RTL4: variants seen among roughly 807,000 people sequenced by gnomAD.
RTL4 encodes the protein retrotransposon Gag like 4.
RTL4 carries 4 observed loss-of-function variants against 5.3 expected under a neutral mutation model. The ratio of observed to expected loss-of-function variants is 0.75; its 90% CI spans 0.37 to 1.72. The LOEUF (loss-of-function observed/expected upper bound fraction) is 1.72, where lower values mean the gene tolerates loss of function less well. RTL4 is among the 40% of genes most tolerant of loss of function. The pLI is 0.04. For missense variants in RTL4, 260 were observed against 227.1 expected (o/e 1.14, Z -0.93); for synonymous variants, 98 against 87.3 (o/e 1.12, Z -0.68).
At chrX:112,107,316 T>C in the RTL4 span, among the ~76,000 whole-genome samples, 1 of 112,135 alleles carries the variant, frequency 8.9e-6, no homozygotes, top group East Asian at 2.8e-4. Context: ...GGTTTTGTCT[T>C]TTAACCTTTG....
the RTL4 span, among the ~76,000 whole-genome samples, chrX:112,223,965 C>T: frequency 8.9e-6 from 1 of 111,894 alleles, no homozygotes; most frequent in Non-Finnish European, 1.9e-5. Flanking sequence ...TTGGTCTCTC[C>T]TGGTCAACTG....
At chrX:112,356,503 T>G in the RTL4 span, among the ~76,000 whole-genome samples, 1 of 110,494 alleles carries the variant, frequency 9.1e-6, no homozygotes, top group Non-Finnish European at 1.9e-5. Flanking sequence ...CTGGAAGAAA[T>G]GAAGTGAAGA....
the RTL4 span, among the ~76,000 whole-genome samples, chrX:112,111,520 G>T: frequency 3.5e-5 from 4 of 112,839 alleles, no homozygotes; most frequent in Admixed American, 1.9e-4. Context: ...TTTAAAGGGG[G>T]TTCCCCCAGA....
At chrX:112,153,944 G>A in the RTL4 span, among the ~76,000 whole-genome samples, 1 of 110,701 alleles carries the variant, frequency 9.0e-6, no homozygotes, top group Non-Finnish European at 1.9e-5. Context: ...TCTTTCTCCT[G>A]TTCTTCTGCA....
chrX:112,297,772 T>TA, the RTL4 span, among the ~76,000 whole-genome samples: 2 of 111,503 alleles, frequency 1.8e-5, no homozygotes, highest in Non-Finnish European at 3.8e-5. Flanking sequence ...GTGCAACACT[T>TA]ATGTTCACTT....
the RTL4 span, among the ~76,000 whole-genome samples, chrX:112,216,687 G>A: frequency 3.6e-5 from 4 of 111,782 alleles, no homozygotes; most frequent in African/African-American, 1.3e-4. Flanking sequence ...CTCTTTTAAA[G>A]GATTTGTAAA....
At chrX:112,309,732 C>T in the RTL4 span, among the ~76,000 whole-genome samples, 4 of 109,021 alleles carry the variant, frequency 3.7e-5, no homozygotes, top group Non-Finnish European at 7.6e-5. Context: ...TCACCTGCTT[C>T]GGCCTCCCAA....
the RTL4 span, among the ~76,000 whole-genome samples, chrX:112,198,881 C>A: frequency 9.0e-6 from 1 of 111,064 alleles, no homozygotes; most frequent in African/African-American, 3.3e-5. Context: ...AGCTAAGGGG[C>A]TAGGTACTGT....
At chrX:112,325,281 T>C in the RTL4 span, among the ~76,000 whole-genome samples, 9 of 111,634 alleles carry the variant, frequency 8.1e-5, no homozygotes, top group South Asian at 3.0e-3. Context: ...ACATTCTTCA[T>C]AGAATTGGAA....
chrX:112,443,355 C>G, the RTL4 span, among the ~76,000 whole-genome samples: 1 of 111,863 alleles, frequency 8.9e-6, no homozygotes, highest in Admixed American at 9.5e-5. Flanking sequence ...TAGCTTGCTT[C>G]CAATTCTTGG....
the RTL4 span, among the ~76,000 whole-genome samples, chrX:112,127,995 A>G: frequency 8.9e-6 from 1 of 111,901 alleles, no homozygotes; most frequent in South Asian, 3.7e-4. Context: ...TATAAACTGA[A>G]ATAGTCTACA....
At chrX:112,400,402 T>C in the RTL4 span, among the ~76,000 whole-genome samples, 1 of 112,218 alleles carries the variant, frequency 8.9e-6, no homozygotes, top group Non-Finnish European at 1.9e-5. Context: ...TGTGTTCTTT[T>C]TTATTTTTCA....
chrX:112,141,003 C>G, the RTL4 span, among the ~76,000 whole-genome samples: 1 of 111,495 alleles, frequency 9.0e-6, no homozygotes, highest in African/African-American at 3.3e-5. Context: ...TTTTATAAAT[C>G]AGTTTGGGGA....
chrX:112,363,138 C>T, the RTL4 span, among the ~76,000 whole-genome samples: 1 of 110,769 alleles, frequency 9.0e-6, no homozygotes, highest in Non-Finnish European at 1.9e-5. Context: ...CTGAAACAGC[C>T]TTTGTAATGG....
At chrX:112,204,062 G>T in the RTL4 span, among the ~76,000 whole-genome samples, 49 of 112,562 alleles carry the variant, frequency 4.4e-4, no homozygotes, top group African/African-American at 1.6e-3. Flanking sequence ...ATGCCAAAAG[G>T]CATAAGAAAA....
the RTL4 span, among the ~76,000 whole-genome samples, chrX:112,394,900 T>C: frequency 8.9e-6 from 1 of 112,307 alleles, no homozygotes; most frequent in Non-Finnish European, 1.9e-5. Flanking sequence ...ATTTCCACTA[T>C]TGCTACCTTA....
the RTL4 span, among the ~76,000 whole-genome samples, chrX:112,433,292 G>T: frequency 0.43 from 41,119 of 95,786 alleles, 8,391 homozygotes; most frequent in African/African-American, 0.6. Context: ...GCTTGATGGG[G>T]ATGGCATTGA....
At chrX:112,239,257 G>A in the RTL4 span, among the ~76,000 whole-genome samples, 3 of 111,393 alleles carry the variant, frequency 2.7e-5, no homozygotes, top group African/African-American at 9.8e-5. Flanking sequence ...GGCACTCAGA[G>A]TCCCTGTCAG....
chrX:112,408,360 A>G, the RTL4 span, among the ~76,000 whole-genome samples: 3 of 109,969 alleles, frequency 2.7e-5, no homozygotes, highest in African/African-American at 9.9e-5. Context: ...AATGCAATTG[A>G]CATACTGAAT....
Sources: gnomAD v4.1 joint callset for allele counts (sites outside exome capture counted in the v4.1 genomes callset) on GRCh38, gnomAD v4.1.1 for gene constraint, MANE v1.5 for transcripts, NCBI Gene and HGNC (gene_info 2026-07-23, HGNC 2026-07-21) for gene names.